Variants in ZNF804A observed in about 807,000 individuals in gnomAD.
ZNF804A encodes zinc finger protein 804A.
ZNF804A carries 2 observed loss-of-function variants against 16.5 expected under a neutral mutation model. The observed-to-expected ratio is 0.12, with a 90% CI of 0.05 to 0.38. The LOEUF is 0.38. ZNF804A is among the 10% of genes least tolerant of loss of function. ZNF804A has a pLI of 0.99. For synonymous variants in ZNF804A, 534 were observed against 489.6 expected (o/e 1.09, Z -1.20); for missense variants, 1,473 against 1,390.7 (o/e 1.06, Z -0.94).
chr2:184,835,396 AG>A, intron 1 of ZNF804A, among the ~76,000 whole-genome samples: 1 of 152,132 alleles, frequency 6.6e-6, no homozygotes, highest in Non-Finnish European at 1.5e-5. Flanking sequence ...TTCTAGAAAA[AG>A]GATGGTAACT....
At chr2:184,618,631 A>G (rs768287164) in intron 1 of ZNF804A, among the ~76,000 whole-genome samples, 1 of 152,012 alleles carries the variant, frequency 6.6e-6, no homozygotes, top group African/African-American at 2.4e-5. Flanking sequence ...CCTAGGGACG[A>G]CTGTATCAAT....
intron 1 of ZNF804A, among the ~76,000 whole-genome samples, chr2:184,788,964 T>C (rs1344068151): frequency 6.6e-6 from 1 of 152,092 alleles, no homozygotes; most frequent in East Asian, 1.9e-4. Flanking sequence ...TGATATTGGC[T>C]GTGGGTTTGT....
At chr2:184,806,864 A>G (rs1382738455) in intron 1 of ZNF804A, among the ~76,000 whole-genome samples, 2 of 151,834 alleles carry the variant, frequency 1.3e-5, no homozygotes, top group Non-Finnish European at 3.0e-5. Flanking sequence ...ATTATTAGTG[A>G]CTAAAAAGAT....
At chr2:184,775,557 C>T (rs1435242074) in intron 1 of ZNF804A, among the ~76,000 whole-genome samples, 2 of 151,652 alleles carry the variant, frequency 1.3e-5, no homozygotes, top group African/African-American at 2.4e-5. Flanking sequence ...ATCATGAACT[C>T]CTGAGCCAAT....
At chr2:184,905,163 C>T (rs765052897) in intron 2 of ZNF804A, among the ~76,000 whole-genome samples, 13 of 151,846 alleles carry the variant, frequency 8.6e-5, no homozygotes, top group Non-Finnish European at 1.2e-4. Context: ...AGTAACTGAA[C>T]ACATAAAAAA....
At chr2:184,681,444 A>C (rs1298423606) in intron 1 of ZNF804A, among the ~76,000 whole-genome samples, 1 of 152,236 alleles carries the variant, frequency 6.6e-6, no homozygotes, top group Non-Finnish European at 1.5e-5. Flanking sequence ...TCTTGTGCAA[A>C]AGTAGCATAC....
chr2:184,685,425 G>A (rs147621846), intron 1 of ZNF804A, among the ~76,000 whole-genome samples: 11 of 152,196 alleles, frequency 7.2e-5, no homozygotes, highest in Admixed American at 2.6e-4. Context: ...GTGGGGGCAT[G>A]TTTCAGCTCT....
At chr2:184,710,792 T>C (rs879543707) in intron 1 of ZNF804A, among the ~76,000 whole-genome samples, 3 of 151,840 alleles carry the variant, frequency 2.0e-5, no homozygotes, top group Non-Finnish European at 4.4e-5. Context: ...CCAATTTCAC[T>C]TAACATAGTC....
intron 1 of ZNF804A, among the ~76,000 whole-genome samples, chr2:184,848,837 A>C (rs1695560847): frequency 6.6e-6 from 1 of 152,070 alleles, no homozygotes; most frequent in Admixed American, 6.6e-5. Flanking sequence ...TAACATCTTA[A>C]ATTCTAGAAA....
At chr2:184,704,042 A>G (rs919824719) in intron 1 of ZNF804A, among the ~76,000 whole-genome samples, 1 of 152,158 alleles carries the variant, frequency 6.6e-6, no homozygotes, top group South Asian at 2.1e-4. Flanking sequence ...TAGGGGTACC[A>G]CCAGCCACAA....
At chr2:184,673,202 T>C (rs1376335834) in intron 1 of ZNF804A, among the ~76,000 whole-genome samples, 1 of 152,194 alleles carries the variant, frequency 6.6e-6, no homozygotes, top group Non-Finnish European at 1.5e-5. Context: ...AGAGGCAACC[T>C]AATTATCATG....
intron 1 of ZNF804A, among the ~76,000 whole-genome samples, chr2:184,650,095 A>G (rs1691954181): frequency 6.6e-6 from 1 of 152,110 alleles, no homozygotes; most frequent in Non-Finnish European, 1.5e-5. Context: ...ACAGCACATC[A>G]AAAAGTTAAT....
intron 1 of ZNF804A, among the ~76,000 whole-genome samples, chr2:184,672,955 GC>G (rs1169873102): frequency 1.3e-5 from 2 of 152,070 alleles, no homozygotes; most frequent in South Asian, 2.1e-4. Context: ...TTGACTATTG[GC>G]CAGGCTGGTC....
chr2:184,744,826 C>T (rs1488443488), intron 1 of ZNF804A, among the ~76,000 whole-genome samples: 2 of 151,746 alleles, frequency 1.3e-5, no homozygotes, highest in Non-Finnish European at 2.9e-5. Context: ...AACAACTATC[C>T]GTATAAATAT....
intron 1 of ZNF804A, among the ~76,000 whole-genome samples, chr2:184,829,899 CAAAAAAAAAAA>C (rs1244566222): frequency 2.6e-5 from 1 of 38,896 alleles, no homozygotes; most frequent in Non-Finnish European, 4.8e-5. Context: ...CTGTCTCTAC[CAAAAAAAAAAA>C]AAAAAAAAAA....
intron 1 of ZNF804A, among the ~76,000 whole-genome samples, chr2:184,621,710 C>G (rs928580311): frequency 6.6e-5 from 10 of 151,564 alleles, no homozygotes; most frequent in Non-Finnish European, 1.5e-4. Flanking sequence ...TTACTGGCAG[C>G]AAGTAGAAAT....
In ZNF804A at chr2:184,688,374, G is replaced by A. The variant is rs549320387; in HGVS notation, c.111+89304G>A. On this transcript the variant is annotated intron_variant, in intron 1 of 3. Transcript: ENST00000302277. ...TGTGTGTGTGTGTGTGTGTGTGTAC[G>A]TGTGTCTCCAAAGTATAGCAATACA... 3.7e-3 allele frequency among the ~76,000 whole-genome samples: 527 copies of A among 143,036 alleles called. 5 individuals are homozygous for A. The highest frequency in any genetic ancestry group is 0.013 in the African/African-American group (479 of 36,368). 93.8% of individuals were successfully genotyped at this position (143,036 alleles called of 152,430 possible).
rs912028285 is a variant in ZNF804A, at chr2:184,753,107, T to C, written c.112-113262T>C. 4.6e-5 allele frequency among the ~76,000 whole-genome samples: 7 copies of C among 151,814 alleles called. No individual in the cohort carries two copies. In the East Asian group the frequency reaches 7.8e-4, roughly 17 times the overall value. ...AAGTAATGAGTCCATGATCATAAAC[T>C]CTTGGCCCAGGAGATGACCTGATGC... On this transcript the variant is annotated intron_variant, in intron 1 of 3. Coordinates refer to ENST00000302277, the MANE Select transcript of ZNF804A (RefSeq NM_194250.2).
At chr2:184,829,160 G>A (rs1379963452) in intron 1 of ZNF804A, among the ~76,000 whole-genome samples, 2 of 151,260 alleles carry the variant, frequency 1.3e-5, no homozygotes, top group Non-Finnish European at 3.0e-5. Flanking sequence ...AAATCTAAAT[G>A]CACTTTATCA....
Sources: gnomAD v4.1 joint callset for allele counts (sites outside exome capture counted in the v4.1 genomes callset) on GRCh38, gnomAD v4.1.1 for gene constraint, MANE v1.5 for transcripts, NCBI Gene and HGNC (gene_info 2026-07-23, HGNC 2026-07-21) for gene names.